ASIC2: variants seen among roughly 807,000 people sequenced by gnomAD.
ASIC2 encodes the protein acid sensing ion channel subunit 2.
A neutral mutation model predicts 57.3 loss-of-function variants in ASIC2; 25 were observed. That is an observed-to-expected ratio of 0.44 (90% CI 0.32 to 0.61). The LOEUF (loss-of-function observed/expected upper bound fraction) is 0.61, where lower values mean the gene tolerates loss of function less well. Among genes scored for constraint, ASIC2 ranks in the 20% least tolerant of loss-of-function variants. ASIC2 has a pLI of 0.06. For synonymous variants in ASIC2, 319 were observed against 307.5 expected (o/e 1.04, Z -0.39); for missense variants, 641 against 738.1 (o/e 0.87, Z 1.52).
chr17:33,383,032 C>CAAACAAACAAAA (rs1288249439), intron 1 of ASIC2, among the ~76,000 whole-genome samples: 1 of 151,722 alleles, frequency 6.6e-6, no homozygotes, highest in Non-Finnish European at 1.5e-5. Context: ...ATATAAAAAA[C>CAAACAAACAAAA]AAACAAACAA....
intron 1 of ASIC2, among the ~76,000 whole-genome samples, chr17:33,682,506 C>T (rs969093000): frequency 6.6e-6 from 1 of 152,020 alleles, no homozygotes; most frequent in Non-Finnish European, 1.5e-5. Flanking sequence ...TTAGAAATAA[C>T]AATAATGTTA....
chr17:33,635,302 T>C (rs1239892203), intron 1 of ASIC2, among the ~76,000 whole-genome samples: 10 of 152,256 alleles, frequency 6.6e-5, no homozygotes, highest in Admixed American at 6.5e-4. Flanking sequence ...CTAATTGCTG[T>C]GAACATATTG....
chr17:34,099,303 G>GAA (rs1460631888), intron 1 of ASIC2, among the ~76,000 whole-genome samples: 7 of 137,842 alleles, frequency 5.1e-5, no homozygotes, highest in Admixed American at 7.6e-5. Flanking sequence ...AAGAAAGAAA[G>GAA]AGAAAGAAAG....
At chr17:33,963,740 C>T (rs1227032004) in intron 1 of ASIC2, among the ~76,000 whole-genome samples, 2 of 151,934 alleles carry the variant, frequency 1.3e-5, no homozygotes, top group African/African-American at 2.4e-5. Context: ...GTGGGGAGTT[C>T]GGAGAGTTTT....
chr17:33,266,210 T>A (rs112958671), intron 1 of ASIC2, among the ~76,000 whole-genome samples: 1 of 152,170 alleles, frequency 6.6e-6, no homozygotes, highest in African/African-American at 2.4e-5. Context: ...CTGTTTGAGT[T>A]CTGTATACAA....
intron 1 of ASIC2, among the ~76,000 whole-genome samples, chr17:33,277,631 C>T (rs750779624): frequency 1.3e-5 from 2 of 152,112 alleles, no homozygotes; most frequent in Non-Finnish European, 2.9e-5. Flanking sequence ...AGACCTTTGC[C>T]CTGGTGAAGA....
chr17:33,802,968 A>G (rs1159370521), intron 1 of ASIC2, among the ~76,000 whole-genome samples: 1 of 150,718 alleles, frequency 6.6e-6, no homozygotes, highest in Non-Finnish European at 1.5e-5. Context: ...AAGTGCGCAT[A>G]GCCAAAGTAA....
intron 1 of ASIC2, among the ~76,000 whole-genome samples, chr17:33,530,367 G>A (rs145910908): frequency 1.6e-4 from 24 of 152,348 alleles, no homozygotes; most frequent in African/African-American, 5.5e-4. Context: ...TTCCTAGCAT[G>A]CTTGGGCTGG....
intron 1 of ASIC2, among the ~76,000 whole-genome samples, chr17:34,148,869 G>T (rs1251948899): frequency 1.3e-5 from 2 of 152,122 alleles, no homozygotes; most frequent in Non-Finnish European, 2.9e-5. Flanking sequence ...ATGACCTCAA[G>T]ACTACCCAGG....
chr17:33,976,487 C>G (rs1447574050), intron 1 of ASIC2: 1 of 152,144 alleles, frequency 6.6e-6, no homozygotes, highest in African/African-American at 2.4e-5. Context: ...GCTCCACCCT[C>G]CCAATTGCTC....
chr17:33,634,367 C>A (rs9889413), intron 1 of ASIC2, among the ~76,000 whole-genome samples: 2 of 152,058 alleles, frequency 1.3e-5, no homozygotes, highest in Non-Finnish European at 2.9e-5. Context: ...GTTTCTGGCC[C>A]TATCCCAAGG....
chr17:33,877,513 G>A (rs1439747290), intron 1 of ASIC2, among the ~76,000 whole-genome samples: 11 of 152,278 alleles, frequency 7.2e-5, no homozygotes, highest in African/African-American at 1.9e-4. Flanking sequence ...ATGCAGCCTC[G>A]CTCATTGCTA....
intron 1 of ASIC2, among the ~76,000 whole-genome samples, chr17:33,865,586 G>T (rs1192300310): frequency 6.6e-6 from 1 of 151,754 alleles, no homozygotes; most frequent in Non-Finnish European, 1.5e-5. Flanking sequence ...TCTAATCTAT[G>T]GTGGATGCTC....
intron 1 of ASIC2, among the ~76,000 whole-genome samples, chr17:33,544,790 A>T (rs894592115): frequency 6.6e-6 from 1 of 152,192 alleles, no homozygotes; most frequent in Non-Finnish European, 1.5e-5. Context: ...ACAAATGAAA[A>T]AAAATATAGG....
intron 1 of ASIC2, among the ~76,000 whole-genome samples, chr17:33,558,525 G>C (rs1444920534): frequency 6.6e-6 from 1 of 152,160 alleles, no homozygotes; most frequent in African/African-American, 2.4e-5. Context: ...CAGTGAATCT[G>C]GTTGAGGATT....
At chr17:33,771,276 C>G (rs1444910823) in intron 1 of ASIC2, among the ~76,000 whole-genome samples, 1 of 152,172 alleles carries the variant, frequency 6.6e-6, no homozygotes, top group Non-Finnish European at 1.5e-5. Context: ...CCAGGGAGAT[C>G]AAAATAATTC....
intron 1 of ASIC2, among the ~76,000 whole-genome samples, chr17:33,251,054 T>C (rs1908863892): frequency 6.6e-6 from 1 of 152,254 alleles, no homozygotes; most frequent in Admixed American, 6.5e-5. Context: ...TGCATAGTTA[T>C]ATTCAAAGAA....
At chr17:33,121,825 A>T (rs1235131478) in intron 1 of ASIC2, among the ~76,000 whole-genome samples, 2 of 152,206 alleles carry the variant, frequency 1.3e-5, no homozygotes, top group Non-Finnish European at 1.5e-5. Flanking sequence ...ATAATTATTA[A>T]GACAGAGATG....
At chr17:33,880,132 A>C (rs1357781157) in intron 1 of ASIC2, among the ~76,000 whole-genome samples, 1 of 152,262 alleles carries the variant, frequency 6.6e-6, no homozygotes, top group African/African-American at 2.4e-5. Flanking sequence ...TTATAGAACT[A>C]AATGCCCACA....
Sources: gnomAD v4.1 joint callset for allele counts (sites outside exome capture counted in the v4.1 genomes callset) on GRCh38, gnomAD v4.1.1 for gene constraint, MANE v1.5 for transcripts, NCBI Gene and HGNC (gene_info 2026-07-23, HGNC 2026-07-21) for gene names.